The following RGS4 variants were observed in gnomAD, a reference collection of about 807,000 sequenced individuals.
RGS4 encodes the protein regulator of G protein signaling 4, also known as schizophrenia disorder 9.
In RGS4, 15 loss-of-function variants were observed where a neutral mutation model predicts 21.6. That is an observed-to-expected ratio of 0.69 (90% CI 0.46 to 1.07). The LOEUF (loss-of-function observed/expected upper bound fraction) is 1.07, where lower values mean the gene tolerates loss of function less well. RGS4 is among the 50% of genes least tolerant of loss of function. The pLI, the probability that RGS4 is intolerant of heterozygous loss-of-function variation, is 0.00. For synonymous variants in RGS4, 94 were observed against 85.5 expected (o/e 1.10, Z -0.55); for missense variants, 237 against 239.0 (o/e 0.99, Z 0.06).
intron 4 of RGS4, 51 bp from the exon 5 acceptor site, chr1:163,074,270 C>A: frequency 6.2e-7 from 1 of 1,608,412 alleles, no homozygotes. Context: ...TACAGGCTTG[C>A]ATCCTCAACA....
intron 3 of RGS4, 21 bp downstream of exon 3, chr1:163,072,887 G>C: frequency 6.2e-7 from 1 of 1,602,076 alleles, no homozygotes; most frequent in Non-Finnish European, 8.5e-7. Context: ...CAGCAACCTG[G>C]GATGAGGTAC....
chr1:163,072,017 G>C, intron 1 of RGS4: 1 of 993,238 alleles, frequency 1.0e-6, no homozygotes, highest in Non-Finnish European at 1.2e-6. Flanking sequence ...TGCCGCTACT[G>C]CTTTCTGATT....
Position 163,069,395 on chromosome 1 carries a change from G to A in RGS4, c.-90G>A, listed in dbSNP as rs538946301. The stretch of plus-strand genomic sequence containing the variant: ...AGAGGATTCTGACAATATCTTTACC[G>A]GAGAAGAGGCAAAGTACGCTCAAAG... On this transcript the variant is annotated 5_prime_UTR_variant, in exon 1 of 5. Coordinates refer to ENST00000367909, the MANE Select transcript of RGS4 (RefSeq NM_005613.6). The A allele has an allele frequency of 2.0e-4, 312 of 1,596,294 alleles. 3 individuals are homozygous for A. The South Asian group carries it at 3.0e-3, about 16-fold the overall frequency.
rs552672788 is a variant in RGS4 at position 163,074,894 on chromosome 1, G to C, written c.*334G>C. ...CCAACAGTTTTACCTCGGGATGGTT[G>C]GTTAGTGCATGTCACATGACATCCA... On this transcript the variant is annotated 3_prime_UTR_variant, in exon 5 of 5. Coordinates refer to ENST00000367909, the MANE Select transcript of RGS4 (RefSeq NM_005613.6). 2 of 590,234 alleles carry C rather than the reference G, an allele frequency of 3.4e-6. No homozygotes were observed. The highest frequency in any genetic ancestry group is 1.9e-5 in the African/African-American group (1 of 53,662). 36.6% of individuals were successfully genotyped at this position (590,234 alleles called of 1,614,324 possible).
intron 1 of RGS4, chr1:163,070,636 G>A (rs1655269865): frequency 1.3e-5 from 2 of 152,136 alleles, no homozygotes; most frequent in South Asian, 2.1e-4. Context: ...ATGGAGTGGA[G>A]CAAATTACTT....
At chr1:163,069,560 A>C in intron 1 of RGS4, 32 bp downstream of exon 1, 1 of 1,570,216 alleles carries the variant, frequency 6.4e-7, no homozygotes, top group Non-Finnish European at 8.7e-7. Flanking sequence ...AACCATATTA[A>C]ACTTTTGGCT....
In RGS4 at chr1:163,073,547, C is replaced by G. The variant is rs962569009; in HGVS notation, c.303C>G (p.Ile101Met). Reference sequence around the variant, plus strand: ...TCAGCTGTGAAGAGTACAAGAAAATCAAATCACCATCTAAACTAAGTCCCA... The same window carrying G: ...TCAGCTGTGAAGAGTACAAGAAAATGAAATCACCATCTAAACTAAGTCCCA... ...FWISCEEYKK[I>M]KSPSKLSPKA... Residue 101 changes from isoleucine to methionine, a missense_variant, in exon 4 of 5, where the codon ATC becomes ATG. By Grantham distance (10) the Ile-to-Met change is conservative. Coordinates refer to ENST00000367909, the MANE Select transcript of RGS4 (RefSeq NM_005613.6). 1 of 1,612,110 alleles carries G rather than the reference C, an allele frequency of 6.2e-7. No individual in the cohort carries two copies. Among genetic ancestry groups the G allele is most frequent in the Non-Finnish European group, 8.5e-7 (1 of 1,179,116 alleles).
chr1:163,069,601 T>A, intron 1 of RGS4, 73 bp downstream of exon 1: 1 of 1,252,302 alleles, frequency 8.0e-7, no homozygotes, highest in Non-Finnish European at 1.1e-6. Context: ...ATGTTGTACT[T>A]ACTAACCTAG....
chr1:163,069,685 G>A (rs1655241462), intron 1 of RGS4, among the ~76,000 whole-genome samples, 157 bp downstream of exon 1: 1 of 152,116 alleles, frequency 6.6e-6, no homozygotes, highest in African/African-American at 2.4e-5. Context: ...GCTAGATATT[G>A]TGACTTAAGA....
chr1:163,068,940 T>G (rs1347769219), upstream of RGS4: 3 of 1,598,454 alleles, frequency 1.9e-6, no homozygotes, highest in Non-Finnish European at 2.6e-6. Context: ...GGACCATGTA[T>G]AATATGATGC....
At position 163,072,374 on chromosome 1, in the gene RGS4, AT is replaced by A; in HGVS notation, c.45-14del. 7 of 1,562,138 alleles carry A rather than the reference AT, an allele frequency of 4.5e-6. No individual in the cohort carries two copies. The highest frequency in any genetic ancestry group is 4.4e-6 in the Non-Finnish European group (5 of 1,135,608). ...GAAAGCTGGTTATTACTATTTATTCATTTTTTTCTCTTCTGTGCAGTGCAAA... is the reference window on the plus strand; with the variant it reads ...GAAAGCTGGTTATTACTATTTATTCATTTTTTCTCTTCTGTGCAGTGCAAA... On this transcript the variant is annotated intron_variant, in intron 1 of 4. Transcript: ENST00000367909.
intron 1 of RGS4, chr1:163,071,855 G>GCCGCCCCCCCCCCC (rs1557859054): frequency 5.5e-4 from 1 of 1,816 alleles, no homozygotes; most frequent in Non-Finnish European, 1.0e-3. Context: ...GGAACTGCTT[G>GCCGCCCCCCCCCCC]CCCCCCCCCC....
intron 1 of RGS4, chr1:163,072,172 T>A (rs1655339906): frequency 1.8e-6 from 2 of 1,090,972 alleles, no homozygotes; most frequent in Non-Finnish European, 2.4e-6. Context: ...ATTCCAGTTG[T>A]GGATGAAGGA....
In RGS4 at chr1:163,072,303, G is replaced by T. The variant is rs1655345058; in HGVS notation, c.45-92G>T. ...TTCCCTAAACTGTCTCTGAGCCATAGACTAGTAATGGACTCTTCAAGCTCT... is the reference window on the plus strand; with the variant it reads ...TTCCCTAAACTGTCTCTGAGCCATATACTAGTAATGGACTCTTCAAGCTCT... On this transcript the variant is annotated intron_variant, in intron 1 of 4. Transcript: ENST00000367909. 6.8e-5 allele frequency: 69 copies of T among 1,013,110 alleles called. No homozygotes were observed. In the South Asian group the frequency reaches 8.8e-4, roughly 13 times the overall value. The allele number at this position is 1,013,110 out of a possible 1,614,324, so 62.8% of individuals were successfully genotyped here. A position where few individuals can be genotyped will look rare whatever the true frequency, so the allele number is the denominator to read the frequency against.
At chr1:163,071,475 C>A (rs1236018443) in intron 1 of RGS4, among the ~76,000 whole-genome samples, 1 of 151,986 alleles carries the variant, frequency 6.6e-6, no homozygotes, top group Non-Finnish European at 1.5e-5. Flanking sequence ...AAAAGAGATG[C>A]AAGCAAGAGG....
chr1:163,071,103 G>T (rs533159072), intron 1 of RGS4, among the ~76,000 whole-genome samples: 1 of 152,026 alleles, frequency 6.6e-6, no homozygotes, highest in African/African-American at 2.4e-5. Context: ...ATATGAATTC[G>T]TTTCTATTTG....
rs1049617263 is a variant in RGS4, at chr1:163,074,303, T to C, written c.379-18T>C. 1.9e-6 allele frequency: 3 copies of C among 1,613,364 alleles called. No individual in the cohort carries two copies. The African/African-American group carries it at 4.0e-5, about 22-fold the overall frequency. On this transcript the variant is annotated intron_variant, in intron 4 of 4. Coordinates refer to ENST00000367909, the MANE Select transcript of RGS4 (RefSeq NM_005613.6). The stretch of plus-strand genomic sequence containing the variant: ...ACAGGGATATAGGTCTAATGAAGCC[T>C]TGGCCTTTGCCCCTCAGGTGAACCT...
chr1:163,072,191 T>C, intron 1 of RGS4: 1 of 1,038,684 alleles, frequency 9.6e-7, no homozygotes, highest in Non-Finnish European at 1.3e-6. Context: ...GAAATGGTGT[T>C]ATGACTGCCT....
At chr1:163,070,377 T>C (rs147085246) in intron 1 of RGS4, among the ~76,000 whole-genome samples, 2 of 152,196 alleles carry the variant, frequency 1.3e-5, no homozygotes, top group East Asian at 3.9e-4. Flanking sequence ...CAGTCAAAGG[T>C]AAAAAGTCAA....
Sources: allele counts gnomAD v4.1 joint callset (sites outside exome capture counted in the v4.1 genomes callset), GRCh38; gene constraint gnomAD v4.1.1; transcripts MANE v1.5; gene names NCBI Gene and HGNC (gene_info 2026-07-23, HGNC 2026-07-21).